C3orf20: variants seen among roughly 807,000 people sequenced by gnomAD.
C3orf20 encodes the protein uncharacterized protein C3orf20.
Under a neutral mutation model 88.3 loss-of-function variants are expected in C3orf20, and 76 were observed. The ratio of observed to expected loss-of-function variants is 0.86; its 90% CI spans 0.72 to 1.04. C3orf20 has a LOEUF of 1.04. Among genes scored for constraint, C3orf20 ranks in the 50% least tolerant of loss-of-function variants. C3orf20 has a pLI of 0.00. For missense variants in C3orf20, 1,056 were observed against 1,123.3 expected (o/e 0.94, Z 0.86); for synonymous variants, 436 against 437.4 (o/e 1.00, Z 0.04).
Position 14,772,293 on chromosome 3 carries a change from G to C in C3orf20, c.2630+92G>C. ...CTTGGGCAAGTCACTACCCCCAGGC[G>C]TGGCCTGGGTCATGTCCAACCATCG... On this transcript the variant is annotated intron_variant, in intron 16 of 16. Transcript: ENST00000253697. The surrounding 1 kb of genome is among the most constrained non-coding windows in gnomAD (Gnocchi z 4.2). 6.7e-7 allele frequency: 1 copy of C among 1,495,880 alleles called. No individual in the cohort carries two copies. The highest frequency in any genetic ancestry group is 9.2e-7 in the Non-Finnish European group (1 of 1,083,982). 92.7% of individuals were successfully genotyped at this position (1,495,880 alleles called of 1,614,324 possible). A position where few individuals can be genotyped will look rare whatever the true frequency, so the allele number is the denominator to read the frequency against.
Position 14,721,673 on chromosome 3 carries a change from A to G in C3orf20, c.1455A>G (p.Leu485=). Residue 485 remains leucine, a synonymous_variant, in exon 10 of 17, where the codon CTA becomes CTG. Transcript: ENST00000253697. The stretch of plus-strand genomic sequence containing the variant: ...TACAGGTGAATGAGGAAATGAAACT[A>G]AAGGTACTGGGACAGGACTCCATCA... ...LEYKVNEEMK[L]KVLGQDSITV... is the part of the protein sequence containing the mutation. 1.9e-6 allele frequency: 3 copies of G among 1,614,152 alleles called. No individual in the cohort carries two copies. Among genetic ancestry groups the G allele is most frequent in the Non-Finnish European group, 2.5e-6 (3 of 1,180,012 alleles).
intron 4 of C3orf20, among the ~76,000 whole-genome samples, chr3:14,686,051 G>A (rs150686466): frequency 0.017 from 2,565 of 152,022 alleles, 56 homozygotes; most frequent in African/African-American, 0.057. Flanking sequence ...TAGTAGAGAC[G>A]GGGTTTCACC....
Position 14,772,018 on chromosome 3 carries a change from A to C in C3orf20, c.2496-49A>C. Reference sequence around the variant, plus strand: ...CCAGAACACTGATGGGACAGCGTGCAGTGCACCCTGGGCCCTGAGCACTGC... The same window carrying C: ...CCAGAACACTGATGGGACAGCGTGCCGTGCACCCTGGGCCCTGAGCACTGC... On this transcript the variant is annotated intron_variant, in intron 15 of 16. Transcript: ENST00000253697. The surrounding 1 kb of genome is among the most constrained non-coding windows in gnomAD (Gnocchi z 4.2). 1 of 1,610,850 alleles carries C rather than the reference A, an allele frequency of 6.2e-7. No individual in the cohort carries two copies. Among genetic ancestry groups the C allele is most frequent in the African/African-American group, 1.3e-5 (1 of 74,990 alleles).
chr3:14,682,996 C>T lies in C3orf20; in HGVS notation c.283C>T (p.Leu95=). The T allele has an allele frequency of 6.2e-7, 1 of 1,613,734 alleles. No individual in the cohort carries two copies. Among genetic ancestry groups the T allele is most frequent in the South Asian group, 1.1e-5 (1 of 91,066 alleles). ...FVQVPTLKKP[L]PPPPPAPPRP... ...GCAGGTCCCCACACTGAAGAAGCCA[C>T]TACCTCCACCACCACCAGCACCACC... Residue 95 remains leucine, a synonymous_variant, in exon 3 of 17, where the codon CTA becomes TTA. Transcript: ENST00000253697.
intron 12 of C3orf20, among the ~76,000 whole-genome samples, chr3:14,735,713 C>T (rs2034686113): frequency 6.6e-6 from 1 of 152,034 alleles, no homozygotes; most frequent in Admixed American, 6.6e-5. Context: ...CCTGCTTCAG[C>T]CTCCCAAGTA....
intron 4 of C3orf20, among the ~76,000 whole-genome samples, chr3:14,685,626 T>C (rs1178155687): frequency 1.3e-5 from 2 of 152,104 alleles, no homozygotes; most frequent in Non-Finnish European, 2.9e-5. Context: ...ATTCCTCTTA[T>C]AAGTGAAAGT....
chr3:14,712,231 G>A (rs2033777082), intron 7 of C3orf20, among the ~76,000 whole-genome samples: 1 of 151,266 alleles, frequency 6.6e-6, no homozygotes, highest in African/African-American at 2.4e-5. Context: ...AAAGCTATGT[G>A]GTGACTGAGG....
intron 7 of C3orf20, among the ~76,000 whole-genome samples, chr3:14,708,527 A>T (rs184741069): frequency 7.2e-5 from 11 of 151,792 alleles, no homozygotes; most frequent in African/African-American, 2.7e-4. Flanking sequence ...ATTTAGTGTA[A>T]ATTTTCAAGT....
At chr3:14,689,063 G>A (rs1177047301) in intron 4 of C3orf20, among the ~76,000 whole-genome samples, 2 of 152,040 alleles carry the variant, frequency 1.3e-5, no homozygotes, top group Admixed American at 6.6e-5. Flanking sequence ...ACAGGGGAGG[G>A]ATCATTGGAG....
At chr3:14,695,783 A>G (rs1303713468) in intron 5 of C3orf20, among the ~76,000 whole-genome samples, 4 of 152,022 alleles carry the variant, frequency 2.6e-5, no homozygotes, top group African/African-American at 4.8e-5. Context: ...TTCAAAATCT[A>G]TTTTGTCTAA....
Position 14,714,162 on chromosome 3 carries a change from A to G in C3orf20, c.1313+3A>G. ...GTTCACTACAACCTAAAAACCAGGT[A>G]AGTGGACTGGGAGAGTACTAGTCAC... is the stretch of plus-strand genomic sequence containing the variant. On this transcript the variant is annotated splice_donor_region_variant and intron_variant, in intron 8 of 16. Coordinates refer to ENST00000253697, the MANE Select transcript of C3orf20 (RefSeq NM_032137.5). 1 of 1,613,522 alleles carries G rather than the reference A, an allele frequency of 6.2e-7. No homozygotes were observed. Among genetic ancestry groups the G allele is most frequent in the Non-Finnish European group, 8.5e-7 (1 of 1,179,944 alleles).
At chr3:14,763,858 C>T (rs919718427) in intron 15 of C3orf20, among the ~76,000 whole-genome samples, 47 of 152,186 alleles carry the variant, frequency 3.1e-4, no homozygotes, top group African/African-American at 1.1e-3. Context: ...ATATTATTAT[C>T]ATTAAAATGA....
At chr3:14,739,148 T>A (rs1181052026) in intron 12 of C3orf20, among the ~76,000 whole-genome samples, 1 of 152,218 alleles carries the variant, frequency 6.6e-6, no homozygotes, top group African/African-American at 2.4e-5. Context: ...GTTTTCAATT[T>A]ACTTTGCCCA....
intron 4 of C3orf20, among the ~76,000 whole-genome samples, chr3:14,689,722 C>G (rs1391151557): frequency 1.1e-4 from 17 of 151,856 alleles, no homozygotes. Flanking sequence ...AGTAATATCA[C>G]TTTTCGTGCT....
At chr3:14,744,066 G>A (rs2034991266) in intron 12 of C3orf20, among the ~76,000 whole-genome samples, 1 of 152,048 alleles carries the variant, frequency 6.6e-6, no homozygotes, top group African/African-American at 2.4e-5. Context: ...TTTCTCCCCA[G>A]AAAATGGGCT....
intron 12 of C3orf20, among the ~76,000 whole-genome samples, chr3:14,741,382 C>T (rs757359641): frequency 6.6e-6 from 1 of 152,152 alleles, no homozygotes; most frequent in Non-Finnish European, 1.5e-5. Flanking sequence ...GGTTTACTTT[C>T]AAAATCAACA....
At chr3:14,684,595 A>G (rs1235926240) in intron 4 of C3orf20, among the ~76,000 whole-genome samples, 1 of 152,188 alleles carries the variant, frequency 6.6e-6, no homozygotes, top group Non-Finnish European at 1.5e-5. Flanking sequence ...AGTGGGCAAC[A>G]GCTACACCTC....
intron 5 of C3orf20, among the ~76,000 whole-genome samples, chr3:14,694,666 T>C (rs1188197635): frequency 6.6e-6 from 1 of 152,194 alleles, no homozygotes; most frequent in Admixed American, 6.5e-5. Flanking sequence ...CTTGTATTGT[T>C]TTCCTTGTTT....
intron 15 of C3orf20, chr3:14,767,477 C>T (rs936114456): frequency 6.6e-6 from 1 of 152,286 alleles, no homozygotes; most frequent in African/African-American, 2.4e-5. Context: ...CCTCAGTCCC[C>T]TCCCTGTGGG....
Sources: gnomAD v4.1 joint callset for allele counts (sites outside exome capture counted in the v4.1 genomes callset) on GRCh38, gnomAD v4.1.1 for gene constraint, Gnocchi (gnomAD v3.1) non-coding constraint, MANE v1.5 for transcripts, NCBI Gene and HGNC (gene_info 2026-07-23, HGNC 2026-07-21) for gene names.